Variants in PIGU observed in about 807,000 individuals in gnomAD.
PIGU encodes the protein phosphatidylinositol glycan anchor biosynthesis class U.
Under a neutral mutation model 49.9 loss-of-function variants are expected in PIGU, and 24 were observed. The ratio of observed to expected loss-of-function variants is 0.48; its 90% CI spans 0.35 to 0.68. The LOEUF is 0.68. Among genes scored for constraint, PIGU ranks in the 30% least tolerant of loss-of-function variants. The pLI is 0.01. For synonymous variants in PIGU, 220 were observed against 205.7 expected (o/e 1.07, Z -0.59); for missense variants, 490 against 532.6 (o/e 0.92, Z 0.79).
At chr20:34,561,765 G>T (rs1311168720) in intron 11 of PIGU, among the ~76,000 whole-genome samples, 1 of 151,952 alleles carries the variant, frequency 6.6e-6, no homozygotes, top group Non-Finnish European at 1.5e-5. Context: ...CCCACGGCAG[G>T]ATCTTTACTG....
intron 7 of PIGU, among the ~76,000 whole-genome samples, chr20:34,610,945 A>G (rs1191568067): frequency 6.6e-6 from 1 of 152,228 alleles, no homozygotes; most frequent in African/African-American, 2.4e-5. Flanking sequence ...GACAAAAACA[A>G]GCAATGGGGA....
At chr20:34,595,077 C>CA (rs1286748203) in intron 7 of PIGU, among the ~76,000 whole-genome samples, 1 of 92,168 alleles carries the variant, frequency 1.1e-5, no homozygotes, top group Admixed American at 1.8e-4. Flanking sequence ...GCCTGGGAAA[C>CA]AGAGCAAGAC....
intron 6 of PIGU, among the ~76,000 whole-genome samples, chr20:34,617,780 C>T (rs1985067871): frequency 6.7e-6 from 1 of 149,904 alleles, no homozygotes; most frequent in East Asian, 1.9e-4. Flanking sequence ...TTGGCTGTGT[C>T]CTCACCCAAA....
intron 6 of PIGU, among the ~76,000 whole-genome samples, chr20:34,626,807 A>G (rs1985510903): frequency 6.6e-6 from 1 of 152,124 alleles, no homozygotes. Flanking sequence ...TTAATTATCC[A>G]TGAGTTGAAT....
At chr20:34,595,737 A>G (rs1984175522) in intron 7 of PIGU, among the ~76,000 whole-genome samples, 1 of 152,228 alleles carries the variant, frequency 6.6e-6, no homozygotes. Context: ...GAAACTAACT[A>G]TATTACAAAT....
intron 7 of PIGU, among the ~76,000 whole-genome samples, chr20:34,614,402 G>A (rs572930963): frequency 1.3e-5 from 2 of 152,128 alleles, no homozygotes; most frequent in East Asian, 3.9e-4. Context: ...AAGTGGGTGG[G>A]TGGATGGATT....
chr20:34,634,620 A>G lies in PIGU; in HGVS notation c.524T>C (p.Ile175Thr). The part of the protein sequence containing the change: ...TLIAFFILTT[I>T]KGSAFLSAIF... The stretch of plus-strand genomic sequence containing the variant: ...CTCTCCTTTCAGGGCCTTACCTTTT[A>G]TCGTAGTCAAAATGAAGAAAGCAAT... Residue 175 changes from isoleucine to threonine, a missense_variant, in exon 6 of 12, where the codon ATA becomes ACA. Coordinates refer to ENST00000217446, the MANE Select transcript of PIGU (RefSeq NM_080476.5). The G allele has an allele frequency of 1.2e-6, 2 of 1,612,472 alleles. No individual in the cohort carries two copies. Among genetic ancestry groups the G allele is most frequent in the Non-Finnish European group, 1.7e-6 (2 of 1,178,844 alleles).
At chr20:34,634,245 T>C (rs1985887167) in intron 6 of PIGU, among the ~76,000 whole-genome samples, 1 of 151,978 alleles carries the variant, frequency 6.6e-6, no homozygotes, top group South Asian at 2.1e-4. Context: ...CTAATTTTTT[T>C]ATGTTTTGCA....
At chr20:34,671,923 CA>C (rs55857477) in intron 1 of PIGU, among the ~76,000 whole-genome samples, 21 of 143,574 alleles carry the variant, frequency 1.5e-4, no homozygotes, top group East Asian at 2.0e-4. Flanking sequence ...AACTCCTTCT[CA>C]AAAAAAAAAA....
At chr20:34,611,923 T>A (rs1412165375) in intron 7 of PIGU, among the ~76,000 whole-genome samples, 4 of 152,194 alleles carry the variant, frequency 2.6e-5, no homozygotes, top group Non-Finnish European at 5.9e-5. Flanking sequence ...GAATGTAAAT[T>A]AGTTCAACCA....
intron 11 of PIGU, among the ~76,000 whole-genome samples, chr20:34,572,394 C>T (rs764665939): frequency 2.0e-5 from 3 of 151,888 alleles, no homozygotes; most frequent in Admixed American, 6.5e-5. Context: ...CACCTGTAAT[C>T]GCAGCACTTT....
intron 7 of PIGU, among the ~76,000 whole-genome samples, chr20:34,602,979 C>A (rs1294908848): frequency 6.6e-6 from 1 of 151,918 alleles, no homozygotes; most frequent in Non-Finnish European, 1.5e-5. Context: ...ATTTTTGATA[C>A]AATTTTTAAG....
At position 34,609,834 on chromosome 20, in the gene PIGU, C is replaced by T. The variant is rs571485505; in HGVS notation, c.627+6208G>A. Reference sequence around the variant, plus strand: ...ATCCCCTCATGTCATGAGAGGGACCCGGTGGGAGGTAATTGAATCATGGGG... The same window carrying T: ...ATCCCCTCATGTCATGAGAGGGACCTGGTGGGAGGTAATTGAATCATGGGG... On this transcript the variant is annotated intron_variant, in intron 7 of 11. Coordinates refer to ENST00000217446, the MANE Select transcript of PIGU (RefSeq NM_080476.5). Among the ~76,000 whole-genome samples the T allele has an allele frequency of 1.1e-4, 17 of 152,266 alleles. No individual in the cohort carries two copies. The South Asian group carries it at 2.9e-3, about 26-fold the overall frequency.
At chr20:34,650,374 G>A (rs528049108) in intron 2 of PIGU, among the ~76,000 whole-genome samples, 11 of 151,522 alleles carry the variant, frequency 7.3e-5, no homozygotes, top group South Asian at 6.3e-4. Flanking sequence ...GGGCTCAAGC[G>A]ATCCTTCCAC....
At chr20:34,657,601 T>C (rs1160738225) in intron 1 of PIGU, among the ~76,000 whole-genome samples, 1 of 152,198 alleles carries the variant, frequency 6.6e-6, no homozygotes, top group Non-Finnish European at 1.5e-5. Flanking sequence ...AATGTTGCCA[T>C]AGTGTGAGGA....
At chr20:34,566,003 T>C (rs1298142736) in intron 11 of PIGU, among the ~76,000 whole-genome samples, 2 of 148,704 alleles carry the variant, frequency 1.3e-5, no homozygotes, top group Non-Finnish European at 3.0e-5. Context: ...TTGCAATGCT[T>C]AGACACACAT....
At chr20:34,662,735 G>C (rs1473043567) in intron 1 of PIGU, among the ~76,000 whole-genome samples, 3 of 152,132 alleles carry the variant, frequency 2.0e-5, no homozygotes, top group Non-Finnish European at 4.4e-5. Flanking sequence ...ATTTGAAAGA[G>C]AGAGAATGAA....
chr20:34,674,231 T>G (rs1369341298), intron 1 of PIGU, among the ~76,000 whole-genome samples: 1 of 151,748 alleles, frequency 6.6e-6, no homozygotes, highest in Non-Finnish European at 1.5e-5. Context: ...GGCGGGCACC[T>G]GTAATCCCAG....
At chr20:34,585,363 C>G in intron 9 of PIGU, 74 bp downstream of exon 9, 1 of 1,495,390 alleles carries the variant, frequency 6.7e-7, no homozygotes, top group Non-Finnish European at 9.1e-7. Flanking sequence ...TTGAAGGCCA[C>G]CCTCAAGGCT....
Sources: gnomAD v4.1 joint callset for allele counts (sites outside exome capture counted in the v4.1 genomes callset) on GRCh38, gnomAD v4.1.1 for gene constraint, MANE v1.5 for transcripts, NCBI Gene and HGNC (gene_info 2026-07-23, HGNC 2026-07-21) for gene names.